RRM2B: variants seen among roughly 807,000 people sequenced by gnomAD.
RRM2B encodes ribonucleotide reductase regulatory TP53 inducible subunit M2B, also known as ribonucleoside-diphosphate reductase subunit M2 B.
In RRM2B, 20 loss-of-function variants were observed where a neutral mutation model predicts 45.9. The ratio of observed to expected loss-of-function variants is 0.44; its 90% CI spans 0.31 to 0.63. The LOEUF is 0.63. Ranked by LOEUF, RRM2B falls within the 30% of genes least tolerant of loss-of-function variation. The pLI is 0.09. For synonymous variants in RRM2B, 124 were observed against 132.3 expected (o/e 0.94, Z 0.43); for missense variants, 320 against 414.7 (o/e 0.77, Z 1.98).
intron 1 of RRM2B, among the ~76,000 whole-genome samples, chr8:102,233,091 G>C (rs1486813660): frequency 1.3e-5 from 2 of 152,146 alleles, no homozygotes; most frequent in African/African-American, 4.8e-5. Flanking sequence ...TATAAACAAA[G>C]GACATACAAA....
In RRM2B at chr8:102,206,876, A is replaced by T. The variant is rs1810552592; in HGVS notation, c.*1257T>A. ...CATGTTGCATAGTCACATTAAAAGAACTATCTCTTATAACAGCTCAAGAGT... is the reference window on the plus strand; with the variant it reads ...CATGTTGCATAGTCACATTAAAAGATCTATCTCTTATAACAGCTCAAGAGT... On this transcript the variant is annotated 3_prime_UTR_variant, in exon 9 of 9. Transcript: ENST00000251810. 6.6e-6 allele frequency: 1 copy of T among 152,182 alleles called. No homozygotes were observed. Among genetic ancestry groups the T allele is most frequent in the African/African-American group, 2.4e-5 (1 of 41,446 alleles). 9.4% of individuals were successfully genotyped at this position (152,182 alleles called of 1,614,324 possible).
intron 5 of RRM2B, among the ~76,000 whole-genome samples, chr8:102,221,781 T>C (rs28928581): frequency 0.046 from 7,003 of 152,298 alleles, 209 homozygotes; most frequent in Non-Finnish European, 0.068. Context: ...GGGTAGTTCA[T>C]GAAATACATG....
chr8:102,222,892 C>T (rs916228842), intron 5 of RRM2B, among the ~76,000 whole-genome samples: 1 of 152,016 alleles, frequency 6.6e-6, no homozygotes, highest in Non-Finnish European at 1.5e-5. Flanking sequence ...TTGATTATTG[C>T]TATCTTAGAA....
Position 102,208,067 on chromosome 8 carries a change from A to G in RRM2B, c.*66T>C. The G allele has an allele frequency of 7.1e-7, 1 of 1,414,892 alleles. No homozygotes were observed. Among genetic ancestry groups the G allele is most frequent in the Non-Finnish European group, 9.9e-7 (1 of 1,013,874 alleles). The allele number at this position is 1,414,892 out of a possible 1,614,324, so 87.6% of individuals were successfully genotyped here. On this transcript the variant is annotated 3_prime_UTR_variant, in exon 9 of 9. Coordinates refer to ENST00000251810, the MANE Select transcript of RRM2B (RefSeq NM_015713.5). The stretch of plus-strand genomic sequence containing the variant: ...AAAGGATATACTTAAAATTTTTTTT[A>G]AGCAGAGGAAAATAGACTACTATTT...
At chr8:102,219,618 G>T (rs1000352405) in intron 5 of RRM2B, among the ~76,000 whole-genome samples, 1 of 152,192 alleles carries the variant, frequency 6.6e-6, no homozygotes, top group African/African-American at 2.4e-5. Context: ...TTAATAAATT[G>T]TCTACAGTGG....
intron 8 of RRM2B, among the ~76,000 whole-genome samples, chr8:102,209,002 T>C (rs1810591579): frequency 6.6e-6 from 1 of 152,054 alleles, no homozygotes. Flanking sequence ...GTACAAAAAT[T>C]AGCTGGGCGT....
chr8:102,226,614 TTAGA>T (rs941291067), intron 2 of RRM2B, among the ~76,000 whole-genome samples: 12 of 152,178 alleles, frequency 7.9e-5, no homozygotes, highest in Non-Finnish European at 1.5e-5. Flanking sequence ...TGCTATGGTG[TTAGA>T]TAATTAGGCA....
At chr8:102,227,420 C>T (rs865870889) in intron 2 of RRM2B, among the ~76,000 whole-genome samples, 12 of 152,198 alleles carry the variant, frequency 7.9e-5, no homozygotes, top group Admixed American at 3.9e-4. Context: ...ACCTCAGCCT[C>T]CAGAGGCACA....
At chr8:102,235,439 ATTAGATG>A (rs1196510669) in intron 1 of RRM2B, among the ~76,000 whole-genome samples, 1 of 152,200 alleles carries the variant, frequency 6.6e-6, no homozygotes, top group Non-Finnish European at 1.5e-5. Context: ...TGCTTCTCAC[ATTAGATG>A]TTTAACGGAA....
chr8:102,232,357 T>G (rs1441102845), intron 1 of RRM2B, 53 bp from the exon 2 acceptor site: 1 of 1,560,352 alleles, frequency 6.4e-7, no homozygotes, highest in Non-Finnish European at 8.8e-7. Flanking sequence ...TCTTCTTTAT[T>G]CATACCTAAA....
At chr8:102,225,574 C>G (rs1249758147) in intron 3 of RRM2B, among the ~76,000 whole-genome samples, 1 of 152,112 alleles carries the variant, frequency 6.6e-6, no homozygotes, top group African/African-American at 2.4e-5. Context: ...GCCTCCTGAT[C>G]AACCATAATC....
chr8:102,226,342 A>T (rs1587180855), intron 2 of RRM2B, among the ~76,000 whole-genome samples: 1 of 151,896 alleles, frequency 6.6e-6, no homozygotes, highest in East Asian at 1.9e-4. Flanking sequence ...ATATATATAT[A>T]TAACATCATG....
chr8:102,235,147 C>T (rs1811097942), intron 1 of RRM2B, among the ~76,000 whole-genome samples: 1 of 152,010 alleles, frequency 6.6e-6, no homozygotes, highest in African/African-American at 2.4e-5. Context: ...AGAAACATTG[C>T]TAGATTAGAA....
At chr8:102,214,000 G>C (rs933468198) in intron 7 of RRM2B, 54 bp downstream of exon 7, 6 of 1,188,698 alleles carry the variant, frequency 5.0e-6, no homozygotes, top group Admixed American at 1.7e-5. Context: ...TATAATAGTG[G>C]TACAAACATC....
intron 2 of RRM2B, among the ~76,000 whole-genome samples, chr8:102,229,276 A>ACAAC (rs199850505): frequency 3.2e-4 from 48 of 149,694 alleles, no homozygotes; most frequent in South Asian, 2.3e-3. Flanking sequence ...AACAACAACA[A>ACAAC]AAAAAAAAAA....
At chr8:102,233,072 G>A (rs1420148252) in intron 1 of RRM2B, among the ~76,000 whole-genome samples, 1 of 152,190 alleles carries the variant, frequency 6.6e-6, no homozygotes, top group East Asian at 1.9e-4. Flanking sequence ...GCACATGTGT[G>A]AGAATGAGTA....
At chr8:102,235,176 A>G (rs1016352744) in intron 1 of RRM2B, among the ~76,000 whole-genome samples, 2 of 152,254 alleles carry the variant, frequency 1.3e-5, no homozygotes, top group African/African-American at 4.8e-5. Context: ...AGAGGCAGAA[A>G]GAACAATGAA....
chr8:102,213,146 T>G (rs775889872), intron 7 of RRM2B, among the ~76,000 whole-genome samples: 2 of 152,134 alleles, frequency 1.3e-5, no homozygotes, highest in Non-Finnish European at 2.9e-5. Context: ...TTTCTTGAAG[T>G]AGCAGATATA....
chr8:102,221,149 C>A lies in RRM2B; in HGVS notation c.551-2202G>T, dbSNP rs1054327420. The stretch of plus-strand genomic sequence containing the variant: ...ACAGGATGTCTCAATTTTTAAAAAT[C>A]TATGCAGATATATAATTAGGAAAAT... On this transcript the variant is annotated intron_variant, in intron 5 of 8. Transcript: ENST00000251810. Among the ~76,000 whole-genome samples the A allele has an allele frequency of 5.9e-5, 9 of 152,028 alleles. 1 individual carries two copies. The highest frequency in any genetic ancestry group is 3.9e-4 in the Admixed American group (6 of 15,256).
Sources: allele counts gnomAD v4.1 joint callset (sites outside exome capture counted in the v4.1 genomes callset), GRCh38; gene constraint gnomAD v4.1.1; transcripts MANE v1.5; gene names NCBI Gene and HGNC (gene_info 2026-07-23, HGNC 2026-07-21).